BCAS3: variants seen among roughly 807,000 people sequenced by gnomAD.
BCAS3 encodes BCAS4/BCAS3 fusion.
Under a neutral mutation model 116.1 loss-of-function variants are expected in BCAS3, and 53 were observed. The ratio of observed to expected loss-of-function variants is 0.46; its 90% CI spans 0.37 to 0.57. The LOEUF (loss-of-function observed/expected upper bound fraction) is 0.57, where lower values mean the gene tolerates loss of function less well. Ranked by LOEUF, BCAS3 falls within the 20% of genes least tolerant of loss-of-function variation. The pLI is 0.00. For synonymous variants in BCAS3, 391 were observed against 408.2 expected (o/e 0.96, Z 0.51); for missense variants, 917 against 1,165.4 (o/e 0.79, Z 3.10).
chr17:60,938,017 C>T (rs919785569), intron 13 of BCAS3, among the ~76,000 whole-genome samples: 2 of 149,380 alleles, frequency 1.3e-5, no homozygotes, highest in African/African-American at 4.9e-5. Flanking sequence ...ATTTCTCACT[C>T]TTTTTTTTTT....
Position 61,211,309 on chromosome 17 carries a change from T to C in BCAS3, c.2425+126745T>C, listed in dbSNP as rs2081446717. Among the ~76,000 whole-genome samples, 2 of 152,316 alleles carry C rather than the reference T, an allele frequency of 1.3e-5. No homozygotes were observed. Among genetic ancestry groups the C allele is most frequent in the South Asian group, 2.1e-4 (1 of 4,820 alleles). On this transcript the variant is annotated intron_variant, in intron 22 of 23. Coordinates refer to ENST00000407086, the MANE Select transcript of BCAS3 (RefSeq NM_017679.5). This position sits in a 1 kb window ranked among gnomAD's most constrained non-coding sequence, Gnocchi z 4.4. ...CCTTACTGACTGTATTTGTGATCTG[T>C]AAGACTTTTCAAACACAGGTTTAAA...
intron 3 of BCAS3, among the ~76,000 whole-genome samples, chr17:60,688,642 C>T (rs898628210): frequency 3.3e-5 from 5 of 151,992 alleles, no homozygotes; most frequent in African/African-American, 9.7e-5. Flanking sequence ...TGGTGAAACC[C>T]CGTCTCCACC....
chr17:61,009,046 A>G (rs1313743634), intron 15 of BCAS3, among the ~76,000 whole-genome samples: 1 of 152,024 alleles, frequency 6.6e-6, no homozygotes, highest in Non-Finnish European at 1.5e-5. Flanking sequence ...TGAGAACAGA[A>G]TTTAATACAG....
intron 7 of BCAS3, among the ~76,000 whole-genome samples, chr17:60,815,517 A>G (rs1010261437): frequency 3.9e-5 from 6 of 152,238 alleles, no homozygotes; most frequent in Admixed American, 3.3e-4. Context: ...GAATGGGCAG[A>G]TTCCTTCACC....
rs143232884 is a variant in BCAS3, at chr17:61,392,071, G to A, written c.2688G>A (p.Pro896=). The A allele has an allele frequency of 5.3e-4, 850 of 1,613,650 alleles. 1 individual carries two copies. The highest frequency in any genetic ancestry group is 6.5e-4 in the Non-Finnish European group (768 of 1,179,972). The change falls in exon 24 of 24, where the codon CCG becomes CCA. Residue 896 remains proline (P), a synonymous_variant. Coordinates refer to ENST00000407086, the MANE Select transcript of BCAS3 (RefSeq NM_017679.5). The surrounding 1 kb of genome is among the most constrained non-coding windows in gnomAD (Gnocchi z 6.4). ...IPRNFDGYRS[P]LPTNESQPLS... ...GAAACTTTGATGGCTACCGATCTCC[G>A]CTGCCCACCAATGAGAGCCAGCCCC...
At position 61,220,384 on chromosome 17, in the gene BCAS3, A is replaced by G. The variant is rs4335827; in HGVS notation, c.2425+135820A>G. On this transcript the variant is annotated intron_variant, in intron 22 of 23. Transcript: ENST00000407086. The surrounding 1 kb of genome is among the most constrained non-coding windows in gnomAD (Gnocchi z 4.5). ...GGAGAATATCAGGCCCACAGCTTCT[A>G]TTTTCTATTTAATAGCTTGCCCACA... Among the ~76,000 whole-genome samples the G allele has an allele frequency of 1.8e-3, 269 of 152,260 alleles. 6 individuals carry two copies. The South Asian group carries it at 0.039, about 22-fold the overall frequency.
chr17:61,028,440 C>G lies in BCAS3; in HGVS notation c.1638-6226C>G, dbSNP rs1192202377. On this transcript the variant is annotated intron_variant, in intron 16 of 23. Transcript: ENST00000407086. The surrounding 1 kb of genome is among the most constrained non-coding windows in gnomAD (Gnocchi z 4.3). ...TCTTACTTATGAGCCTTCCAGTGATCAGTGAATTTTAAATGCCACATTCAA... is the reference window on the plus strand; with the variant it reads ...TCTTACTTATGAGCCTTCCAGTGATGAGTGAATTTTAAATGCCACATTCAA... 1.3e-5 allele frequency among the ~76,000 whole-genome samples: 2 copies of G among 151,804 alleles called. No homozygotes were observed. The highest frequency in any genetic ancestry group is 3.0e-5 in the Non-Finnish European group (2 of 67,772).
intron 19 of BCAS3, among the ~76,000 whole-genome samples, chr17:61,046,084 A>ATATATAATATATATATT: frequency 1.6e-4 from 6 of 36,524 alleles, no homozygotes; most frequent in African/African-American, 1.2e-3. Context: ...ATATATATTT[A>ATATATAATATATATATT]TATATATATA....
intron 22 of BCAS3, among the ~76,000 whole-genome samples, chr17:61,129,126 A>G (rs1356789868): frequency 1.3e-5 from 2 of 152,234 alleles, no homozygotes; most frequent in African/African-American, 4.8e-5. Flanking sequence ...AGCCTAGGCC[A>G]TGTAGCACTA....
rs1003186763 is a variant in BCAS3, at chr17:60,964,102, C to T, written c.1221+16750C>T. ...TAACCGTAGTGAGAGTGGACATACTCGTCTTGTTCCAGTCTTTAGAGGAAA... is the reference window on the plus strand; with the variant it reads ...TAACCGTAGTGAGAGTGGACATACTTGTCTTGTTCCAGTCTTTAGAGGAAA... On this transcript the variant is annotated intron_variant, in intron 14 of 23. Transcript: ENST00000407086. This position sits in a 1 kb window ranked among gnomAD's most constrained non-coding sequence, Gnocchi z 4.6. 2.0e-5 allele frequency among the ~76,000 whole-genome samples: 3 copies of T among 152,214 alleles called. No homozygotes were observed. The highest frequency in any genetic ancestry group is 4.8e-5 in the African/African-American group (2 of 41,522).
Position 61,259,422 on chromosome 17 carries a change from T to C in BCAS3, c.2426-108905T>C, listed in dbSNP as rs1169577681. Among the ~76,000 whole-genome samples the C allele has an allele frequency of 6.6e-6, 1 of 152,146 alleles. No individual in the cohort carries two copies. Among genetic ancestry groups the C allele is most frequent in the Non-Finnish European group, 1.5e-5 (1 of 68,032 alleles). ...TCCAGCTCTGACTTTAATAGCACAG[T>C]AACTGCCAGTTCCTGTCCATAGGGG... is the stretch of plus-strand genomic sequence containing the variant. On this transcript the variant is annotated intron_variant, in intron 22 of 23. Coordinates refer to ENST00000407086, the MANE Select transcript of BCAS3 (RefSeq NM_017679.5). This position sits in a 1 kb window ranked among gnomAD's most constrained non-coding sequence, Gnocchi z 4.7.
intron 5 of BCAS3, among the ~76,000 whole-genome samples, chr17:60,737,002 C>T (rs539037852): frequency 7.3e-5 from 11 of 151,658 alleles, no homozygotes; most frequent in South Asian, 2.1e-4. Context: ...TGCAATGGCG[C>T]GATCTTGTCT....
chr17:60,967,804 C>T lies in BCAS3; in HGVS notation c.1221+20452C>T, dbSNP rs538082199. 6.6e-6 allele frequency among the ~76,000 whole-genome samples: 1 copy of T among 152,202 alleles called. No individual in the cohort carries two copies. Among genetic ancestry groups the T allele is most frequent in the East Asian group, 1.9e-4 (1 of 5,174 alleles). The stretch of plus-strand genomic sequence containing the variant: ...AGTATTTTAGGTCACTGATTCTTTC[C>T]TTCACTTGGTCCATTCCACTGTTGA... On this transcript the variant is annotated intron_variant, in intron 14 of 23. Transcript: ENST00000407086. This position sits in a 1 kb window ranked among gnomAD's most constrained non-coding sequence, Gnocchi z 4.7.
chr17:61,091,271 G>A (rs930922218), intron 22 of BCAS3, among the ~76,000 whole-genome samples: 2 of 152,130 alleles, frequency 1.3e-5, no homozygotes, highest in Non-Finnish European at 2.9e-5. Flanking sequence ...ATATAGTAGG[G>A]TTCCACATAT....
At position 60,848,727 on chromosome 17, in the gene BCAS3, C is replaced by G. The variant is rs191779804; in HGVS notation, c.477-19849C>G. On this transcript the variant is annotated intron_variant, in intron 7 of 23. Transcript: ENST00000407086. ...CTTTATTTTTTTTTTAAGTCAGGGT[C>G]TTGCTCTGTCACCCAGGCTGGAGTG... is the stretch of plus-strand genomic sequence containing the variant. Among the ~76,000 whole-genome samples, 23 of 150,968 alleles carry G rather than the reference C, an allele frequency of 1.5e-4. No individual in the cohort carries two copies. In the East Asian group the frequency reaches 4.1e-3, roughly 27 times the overall value.
chr17:60,829,596 GA>G (rs1217172071), intron 7 of BCAS3, among the ~76,000 whole-genome samples: 1 of 152,040 alleles, frequency 6.6e-6, no homozygotes, highest in African/African-American at 2.4e-5. Context: ...AGGGTTTGAT[GA>G]ATAGTGTGGA....
At chr17:61,207,565 C>T (rs1442537645) in intron 22 of BCAS3, among the ~76,000 whole-genome samples, 1 of 151,926 alleles carries the variant, frequency 6.6e-6, no homozygotes, top group African/African-American at 2.4e-5. Flanking sequence ...AAGGTATTAT[C>T]ATCTAGTTGA....
chr17:60,916,287 A>G (rs376992863), intron 12 of BCAS3, among the ~76,000 whole-genome samples: 10 of 152,330 alleles, frequency 6.6e-5, no homozygotes, highest in Non-Finnish European at 5.9e-5. Context: ...AGATTTCCCA[A>G]CTGAATCCAT....
At chr17:60,766,764 T>G (rs930180019) in intron 6 of BCAS3, among the ~76,000 whole-genome samples, 2 of 152,230 alleles carry the variant, frequency 1.3e-5, no homozygotes, top group African/African-American at 2.4e-5. Flanking sequence ...CTGCAGAAGT[T>G]TCTGCTGCCT....
Sources: allele counts gnomAD v4.1 joint callset (sites outside exome capture counted in the v4.1 genomes callset), GRCh38; gene constraint gnomAD v4.1.1; non-coding constraint Gnocchi (gnomAD v3.1); transcripts MANE v1.5; gene names NCBI Gene and HGNC (gene_info 2026-07-23, HGNC 2026-07-21).